The following ERBB4 variants were observed in gnomAD, a reference collection of about 807,000 sequenced individuals.
ERBB4 encodes the protein receptor tyrosine-protein kinase erbB-4.
Under a neutral mutation model 158.0 loss-of-function variants are expected in ERBB4, and 42 were observed. The observed-to-expected ratio is 0.27, with a 90% CI of 0.21 to 0.34. The LOEUF is 0.34. ERBB4 is among the 10% of genes least tolerant of loss of function. The pLI, the probability that ERBB4 is intolerant of heterozygous loss-of-function variation, is 1.00. For missense variants in ERBB4, 1,333 were observed against 1,624.1 expected, an observed-to-expected ratio of 0.82 and a Z score of 3.08; for synonymous variants, 583 against 558.7, an observed-to-expected ratio of 1.04 and a Z score of -0.61.
chr2:211,445,575 A>G (rs1470468322), intron 20 of ERBB4, among the ~76,000 whole-genome samples: 2 of 152,140 alleles, frequency 1.3e-5, no homozygotes, highest in Non-Finnish European at 2.9e-5. Flanking sequence ...TTAAGAAGGT[A>G]AAACTAGCGA....
At chr2:211,697,821 T>C (rs1011195937) in intron 12 of ERBB4, among the ~76,000 whole-genome samples, 3 of 152,178 alleles carry the variant, frequency 2.0e-5, no homozygotes, top group African/African-American at 7.2e-5. Flanking sequence ...ACGTGGAAAT[T>C]AGTGAGAAAA....
At chr2:212,271,955 C>T (rs993359874) in intron 1 of ERBB4, among the ~76,000 whole-genome samples, 2 of 151,586 alleles carry the variant, frequency 1.3e-5, no homozygotes, top group Admixed American at 6.6e-5. Context: ...CTTAAGAGTC[C>T]GGTTCTCTTA....
At chr2:211,665,600 A>G in intron 14 of ERBB4, 123 bp from the exon 15 acceptor site, 1 of 912,364 alleles carries the variant, frequency 1.1e-6, no homozygotes, top group Non-Finnish European at 1.7e-6. Flanking sequence ...AGAGAATTGG[A>G]GAACATTTTC....
chr2:211,515,891 A>ATGTATTT (rs1559248727), intron 20 of ERBB4, among the ~76,000 whole-genome samples: 4 of 119,200 alleles, frequency 3.4e-5, no homozygotes, highest in African/African-American at 1.4e-4. Flanking sequence ...ATATAAAAAC[A>ATGTATTT]TATATTATAT....
chr2:212,463,951 A>G (rs889004271), intron 1 of ERBB4, among the ~76,000 whole-genome samples: 1 of 151,968 alleles, frequency 6.6e-6, no homozygotes. Flanking sequence ...ACAATTTCCT[A>G]CCTGCTCTTA....
At chr2:211,569,336 G>C (rs529404335) in intron 19 of ERBB4, among the ~76,000 whole-genome samples, 1 of 152,042 alleles carries the variant, frequency 6.6e-6, no homozygotes, top group South Asian at 2.1e-4. Flanking sequence ...TATCCCGTTA[G>C]TTTTATATTT....
chr2:212,537,457 C>T (rs1288298056), intron 1 of ERBB4, among the ~76,000 whole-genome samples: 1 of 152,026 alleles, frequency 6.6e-6, no homozygotes. Context: ...TCCTGCAAGC[C>T]GTGGCGGGCC....
At chr2:211,392,508 A>G (rs13009047) in intron 25 of ERBB4, among the ~76,000 whole-genome samples, 5 of 149,272 alleles carry the variant, frequency 3.3e-5, no homozygotes, top group Non-Finnish European at 7.4e-5. Flanking sequence ...TCATTTTTCT[A>G]TTTGGTTTGA....
chr2:211,978,479 G>C (rs938929122), intron 2 of ERBB4, among the ~76,000 whole-genome samples: 1 of 151,916 alleles, frequency 6.6e-6, no homozygotes, highest in Non-Finnish European at 1.5e-5. Flanking sequence ...GCCCAGGCTA[G>C]AGTGCAGAGG....
chr2:211,788,254 GTTAAA>G (rs2076212565), intron 3 of ERBB4, 95 bp from the exon 4 acceptor site: 1 of 905,366 alleles, frequency 1.1e-6, no homozygotes, highest in Admixed American at 2.0e-5. Context: ...TATTTTCAAT[GTTAAA>G]TTAGAGTCAT....
intron 19 of ERBB4, among the ~76,000 whole-genome samples, chr2:211,578,013 GT>G (rs1178298612): frequency 1.3e-5 from 2 of 152,150 alleles, no homozygotes; most frequent in African/African-American, 4.8e-5. Context: ...AAGCGAGGAA[GT>G]CAAACTCTGT....
At chr2:211,772,229 C>T (rs1022440293) in intron 4 of ERBB4, among the ~76,000 whole-genome samples, 5 of 152,164 alleles carry the variant, frequency 3.3e-5, no homozygotes, top group Middle Eastern at 3.4e-3. Context: ...GTAAGCTCAA[C>T]AAATTGGGGC....
chr2:211,622,990 A>AATATATATAT (rs1165877419), intron 18 of ERBB4, among the ~76,000 whole-genome samples: 13 of 21,862 alleles, frequency 5.9e-4, no homozygotes, highest in Non-Finnish European at 7.3e-4. Context: ...AAAAAAAAAA[A>AATATATATAT]ATATATATAT....
At chr2:212,377,408 T>C (rs1428565461) in intron 1 of ERBB4, among the ~76,000 whole-genome samples, 1 of 151,836 alleles carries the variant, frequency 6.6e-6, no homozygotes, top group Non-Finnish European at 1.5e-5. Context: ...TTAGGTGGTA[T>C]AGCCTTCTAC....
chr2:212,417,083 A>G (rs2091672976), intron 1 of ERBB4, among the ~76,000 whole-genome samples: 1 of 152,092 alleles, frequency 6.6e-6, no homozygotes, highest in East Asian at 1.9e-4. Context: ...TTCAAGATAG[A>G]AAGATCAAGA....
intron 2 of ERBB4, among the ~76,000 whole-genome samples, chr2:212,082,345 G>T (rs1487135027): frequency 1.3e-5 from 2 of 151,928 alleles, no homozygotes; most frequent in African/African-American, 2.4e-5. Flanking sequence ...AATTCAAGGA[G>T]ATTTTTATTT....
intron 2 of ERBB4, among the ~76,000 whole-genome samples, chr2:211,970,321 G>C (rs763087292): frequency 3.9e-5 from 6 of 152,138 alleles, no homozygotes; most frequent in Non-Finnish European, 8.8e-5. Flanking sequence ...ATCAATTTTA[G>C]AGTAATTGCC....
At chr2:212,269,070 G>A (rs1031600434) in intron 1 of ERBB4, among the ~76,000 whole-genome samples, 2 of 151,588 alleles carry the variant, frequency 1.3e-5, no homozygotes, top group Non-Finnish European at 2.9e-5. Flanking sequence ...TAATGCACAT[G>A]ATGTGCAATG....
rs530473573 is a variant in ERBB4, at chr2:211,723,114, T to C, written c.742-580A>G. Among the ~76,000 whole-genome samples the C allele has an allele frequency of 3.9e-5, 6 of 152,314 alleles. No individual in the cohort carries two copies. The South Asian group carries it at 1.0e-3, about 26-fold the overall frequency. On this transcript the variant is annotated intron_variant, in intron 6 of 27. Coordinates refer to ENST00000342788, the MANE Select transcript of ERBB4 (RefSeq NM_005235.3). ...CTACAGTTGGCCTGTAATTAAATAA[T>C]ATGATGTCATTTCTAGTATGGCTTT...
Sources: gnomAD v4.1 joint callset for allele counts (sites outside exome capture counted in the v4.1 genomes callset) on GRCh38, gnomAD v4.1.1 for gene constraint, MANE v1.5 for transcripts, NCBI Gene and HGNC (gene_info 2026-07-23, HGNC 2026-07-21) for gene names.